The following HTR5A variants were observed in gnomAD, a reference collection of about 807,000 sequenced individuals.
HTR5A encodes 5-HT-5.
In HTR5A, 21 loss-of-function variants were observed where a neutral mutation model predicts 24.3. The observed-to-expected ratio is 0.86, with a 90% CI of 0.61 to 1.24. The LOEUF is 1.24. Ranked by LOEUF, HTR5A falls within the 50% of genes most tolerant of loss-of-function variation. HTR5A has a pLI of 0.00. For missense variants in HTR5A, 497 were observed against 489.5 expected, an observed-to-expected ratio of 1.02 and a Z score of -0.15; for synonymous variants, 260 against 213.7, an observed-to-expected ratio of 1.22 and a Z score of -1.89.
intron 1 of HTR5A, among the ~76,000 whole-genome samples, chr7:155,072,672 A>G (rs1470674451): frequency 6.6e-6 from 1 of 152,236 alleles, no homozygotes; most frequent in Non-Finnish European, 1.5e-5. Context: ...ACAAGAAAGT[A>G]GTTTAAGGAA....
Position 155,086,176 on chromosome 7 carries a change from A to G in HTR5A, c.*1689A>G, listed in dbSNP as rs755326318. On this transcript the variant is annotated 3_prime_UTR_variant, in exon 2 of 2. Transcript: ENST00000287907. ...GCTATTGTTTTCTAGTGTTTTGAAT[A>G]AGGGAAGTGTTTGAATAAGGGAAGG... 6.6e-6 allele frequency among the ~76,000 whole-genome samples: 1 copy of G among 152,234 alleles called. No individual in the cohort carries two copies. Among genetic ancestry groups the G allele is most frequent in the Non-Finnish European group, 1.5e-5 (1 of 68,030 alleles).
intron 1 of HTR5A, among the ~76,000 whole-genome samples, chr7:155,074,279 G>C (rs540486258): frequency 6.6e-6 from 1 of 152,166 alleles, no homozygotes; most frequent in African/African-American, 2.4e-5. Flanking sequence ...GATAAGACTT[G>C]CCCTTGTCAA....
chr7:155,083,163 C>A (rs1228895194), intron 1 of HTR5A, among the ~76,000 whole-genome samples: 2 of 152,156 alleles, frequency 1.3e-5, no homozygotes, highest in Non-Finnish European at 2.9e-5. Flanking sequence ...ATTAACCTGA[C>A]AATTCTTTGC....
chr7:155,084,220 G>T lies in HTR5A; in HGVS notation c.807G>T (p.Gln269His). Reference protein sequence around the residue: ...FTVRHATVTFQPEGDTWREQK... With the variant: ...FTVRHATVTFHPEGDTWREQK... ...TCCGCCACGCCACCGTCACCTTCCA[G>T]CCAGAAGGGGACACGTGGCGGGAGC... The change falls in exon 2 of 2, where the codon CAG becomes CAT. Residue 269 changes from glutamine to histidine, a missense_variant. Gln to His is a conservative substitution (Grantham distance 24). Coordinates refer to ENST00000287907, the MANE Select transcript of HTR5A (RefSeq NM_024012.4). 6.2e-7 allele frequency: 1 copy of T among 1,614,118 alleles called. No homozygotes were observed.
Position 155,081,547 on chromosome 7 carries a change from A to G in HTR5A, c.742-2608A>G, listed in dbSNP as rs10251639. The stretch of plus-strand genomic sequence containing the variant: ...CTTTATGTGCATTTCAGAGATTATT[A>G]GGAAAAATTAATTTGGCTTAACTAT... On this transcript the variant is annotated intron_variant, in intron 1 of 1. Transcript: ENST00000287907. 1.2e-3 allele frequency among the ~76,000 whole-genome samples: 190 copies of G among 152,368 alleles called. 2 individuals carry two copies. Among genetic ancestry groups the G allele is most frequent in the African/African-American group, 3.3e-3 (138 of 41,594 alleles).
chr7:155,071,105 G>T lies in HTR5A; in HGVS notation c.206G>T (p.Arg69Leu), dbSNP rs765884800. Reference sequence around the variant, plus strand: ...GTGCTGGCGACCATCCTCCGTGTACGCACCTTCCACCGCGTGCCCCACAAC... The same window carrying T: ...GTGCTGGCGACCATCCTCCGTGTACTCACCTTCCACCGCGTGCCCCACAAC... The part of the protein sequence containing the change: ...LLVLATILRV[R>L]TFHRVPHNLV... Residue 69 changes from arginine (R) to leucine (L), a missense_variant, in exon 1 of 2, where the codon CGC becomes CTC. Arg to Leu is a moderately radical substitution (Grantham distance 102, BLOSUM62 -2). Transcript: ENST00000287907. 3.7e-6 allele frequency: 6 copies of T among 1,606,690 alleles called. No homozygotes were observed. Among genetic ancestry groups the T allele is most frequent in the Non-Finnish European group, 4.2e-6 (5 of 1,179,990 alleles).
At position 155,087,022 on chromosome 7, in the gene HTR5A, T is replaced by C. The variant is rs980110415; in HGVS notation, c.*2535T>C. On this transcript the variant is annotated 3_prime_UTR_variant, in exon 2 of 2. Transcript: ENST00000287907. Reference sequence around the variant, plus strand: ...TCCAAAGCCCTCCTTTCAGCTCTTGTAGAATATGTCGAACAAAACGCACAG... The same window carrying C: ...TCCAAAGCCCTCCTTTCAGCTCTTGCAGAATATGTCGAACAAAACGCACAG... 2.0e-5 allele frequency among the ~76,000 whole-genome samples: 3 copies of C among 152,150 alleles called. No individual in the cohort carries two copies. Among genetic ancestry groups the C allele is most frequent in the Non-Finnish European group, 4.4e-5 (3 of 68,016 alleles).
chr7:155,086,802 C>T lies in HTR5A; in HGVS notation c.*2315C>T, dbSNP rs73732213. On this transcript the variant is annotated 3_prime_UTR_variant, in exon 2 of 2. Transcript: ENST00000287907. ...ATGCAAATCAAATATTTGTGAAACA[C>T]TCTCATTTATGCTTGACTGCTAATA... Among the ~76,000 whole-genome samples, 4,472 of 152,252 alleles carry T rather than the reference C, an allele frequency of 0.029. 204 individuals are homozygous for T. Among genetic ancestry groups the T allele is most frequent in the African/African-American group, 0.1 (4,214 of 41,512 alleles).
At chr7:155,073,899 A>ATATACG (rs1554519640) in intron 1 of HTR5A, among the ~76,000 whole-genome samples, 13 of 15,398 alleles carry the variant, frequency 8.4e-4, no homozygotes, top group African/African-American at 9.7e-4. Context: ...GTATATATAT[A>ATATACG]TATATATATA....
chr7:155,075,466 T>C (rs1304927037), intron 1 of HTR5A, among the ~76,000 whole-genome samples: 2 of 152,244 alleles, frequency 1.3e-5, no homozygotes, highest in Non-Finnish European at 2.9e-5. Context: ...ATTATAAATA[T>C]TGTAAGAAGA....
At chr7:155,073,877 G>GTA (rs1554519613) in intron 1 of HTR5A, among the ~76,000 whole-genome samples, 844 of 7,914 alleles carry the variant, frequency 0.11, 18 homozygotes, top group African/African-American at 0.12. Flanking sequence ...ATATATATAT[G>GTA]TATATATATA....
rs11324160 is a variant in HTR5A, at chr7:155,077,466, G to GTT, written c.741+5840_741+5841dup. Among the ~76,000 whole-genome samples the GTT allele has an allele frequency of 7.0e-3, 725 of 103,328 alleles. 12 individuals carry two copies. The highest frequency in any genetic ancestry group is 0.021 in the African/African-American group (668 of 31,586). 67.8% of individuals were successfully genotyped at this position (103,328 alleles called of 152,430 possible). On this transcript the variant is annotated intron_variant, in intron 1 of 1. Transcript: ENST00000287907. ...CCTATAACCAATAGGTTTTTTTTTTGTTTTTTTTTTTTTTTGAGACAGAGT... is the reference window on the plus strand; with the variant it reads ...CCTATAACCAATAGGTTTTTTTTTTGTTTTTTTTTTTTTTTTTGAGACAGAGT...
chr7:155,076,579 C>G (rs1325827440), intron 1 of HTR5A, among the ~76,000 whole-genome samples: 4 of 152,046 alleles, frequency 2.6e-5, no homozygotes, highest in African/African-American at 7.2e-5. Context: ...GAATTTGGTA[C>G]TAGAGGATCC....
rs1006568543 is a variant in HTR5A, at chr7:155,087,342, C to T, written c.*2855C>T. 3.3e-5 allele frequency among the ~76,000 whole-genome samples: 5 copies of T among 152,196 alleles called. No individual in the cohort carries two copies. In the South Asian group the frequency reaches 6.2e-4, roughly 19 times the overall value. On this transcript the variant is annotated 3_prime_UTR_variant, in exon 2 of 2. Transcript: ENST00000287907. ...AGCCAAAGAGGCTGTAGAGACAACA[C>T]TTTGCCATATTTCTATTAAAGAGAA... is the stretch of plus-strand genomic sequence containing the variant.
Position 155,071,061 on chromosome 7 carries a change from G to A in HTR5A, c.162G>A (p.Thr54=). ...TGCTGGGCTTTCTGGTGGCGGCGAC[G>A]TTCGCCTGGAACCTGCTGGTGCTGG... ...LTLLGFLVAA[T]FAWNLLVLAT... is the part of the protein sequence containing the mutation. Residue 54 remains threonine, a synonymous_variant, in exon 1 of 2, where the codon ACG becomes ACA. Coordinates refer to ENST00000287907, the MANE Select transcript of HTR5A (RefSeq NM_024012.4). 6.2e-7 allele frequency: 1 copy of A among 1,609,718 alleles called. No homozygotes were observed.
chr7:155,078,178 C>T lies in HTR5A; in HGVS notation c.742-5977C>T, dbSNP rs1353809614. On this transcript the variant is annotated intron_variant, in intron 1 of 1. Coordinates refer to ENST00000287907, the MANE Select transcript of HTR5A (RefSeq NM_024012.4). The stretch of plus-strand genomic sequence containing the variant: ...TGAGAACAGAGGCCCTTTTGGATGC[C>T]TTATCTAGAAAGCCATATCTTGTAT... Among the ~76,000 whole-genome samples the T allele has an allele frequency of 3.3e-5, 5 of 152,090 alleles. No individual in the cohort carries two copies. The South Asian group carries it at 1.0e-3, about 31-fold the overall frequency.
Position 155,071,386 on chromosome 7 carries a change from G to A in HTR5A, c.487G>A (p.Ala163Thr), listed in dbSNP as rs1253257729. 5.0e-6 allele frequency: 8 copies of A among 1,613,928 alleles called. No individual in the cohort carries two copies. The highest frequency in any genetic ancestry group is 6.8e-6 in the Non-Finnish European group (8 of 1,180,054). ...CAAGTGCGTCTCCAACGTCATGATC[G>A]CGCTCACCTGGGCACTCTCCGCTGT... ...TRKCVSNVMI[A>T]LTWALSAVIS... The change falls in exon 1 of 2, where the codon GCG becomes ACG. Residue 163 changes from alanine to threonine, a missense_variant. Transcript: ENST00000287907.
At chr7:155,082,275 G>A (rs1423072124) in intron 1 of HTR5A, among the ~76,000 whole-genome samples, 1 of 152,116 alleles carries the variant, frequency 6.6e-6, no homozygotes. Context: ...AGTGTGAACA[G>A]CATCCATGGT....
intron 1 of HTR5A, chr7:155,074,560 C>T (rs1795340493): frequency 6.6e-6 from 1 of 152,096 alleles, no homozygotes; most frequent in African/African-American, 2.4e-5. Flanking sequence ...CTCTGGTGGC[C>T]TGACTTTCAG....
Sources: gnomAD v4.1 joint callset for allele counts (sites outside exome capture counted in the v4.1 genomes callset) on GRCh38, gnomAD v4.1.1 for gene constraint, MANE v1.5 for transcripts, NCBI Gene and HGNC (gene_info 2026-07-23, HGNC 2026-07-21) for gene names.